The following PLEKHG3 variants were observed in gnomAD, a reference collection of about 807,000 sequenced individuals.
PLEKHG3 encodes the protein pleckstrin homology domain-containing family G member 3.
In PLEKHG3, 62 loss-of-function variants were observed where a neutral mutation model predicts 94.9. The observed-to-expected ratio is 0.65, with a 90% CI of 0.53 to 0.81. The LOEUF is 0.81. PLEKHG3 is among the 30% of genes least tolerant of loss of function. The pLI is 0.00. For synonymous variants in PLEKHG3, 614 were observed against 654.0 expected, an observed-to-expected ratio of 0.94 and a Z score of 0.93; for missense variants, 1,461 against 1,619.3, an observed-to-expected ratio of 0.90 and a Z score of 1.68.
chr14:64,741,406 G>T lies in PLEKHG3; in HGVS notation c.1889G>T (p.Gly630Val). 2 of 1,613,110 alleles carry T rather than the reference G, an allele frequency of 1.2e-6. No homozygotes were observed. Among genetic ancestry groups the T allele is most frequent in the Non-Finnish European group, 1.7e-6 (2 of 1,180,012 alleles). The change falls in exon 16 of 17, where the codon GGG (glycine) becomes GTG (valine). Residue 630 changes from glycine (G) to valine (V), a missense_variant. By Grantham distance (109) the Gly-to-Val change is moderately radical. Transcript: ENST00000247226. ...AQEDSKSSGFGSPRLVSRSSS... is the reference protein window; with the variant it reads ...AQEDSKSSGFVSPRLVSRSSS... The stretch of plus-strand genomic sequence containing the variant: ...GAGGACAGCAAGTCCAGTGGCTTTG[G>T]GAGCCCGCGGCTGGTCAGCCGGAGC...
At chr14:64,719,455 A>G (rs935211058) in intron 1 of PLEKHG3, among the ~76,000 whole-genome samples, 2 of 151,550 alleles carry the variant, frequency 1.3e-5, no homozygotes, top group African/African-American at 2.4e-5. Flanking sequence ...TACTGTGCCT[A>G]TTTTCCTCAT....
At chr14:64,736,126 A>G (rs975935142) in intron 12 of PLEKHG3, among the ~76,000 whole-genome samples, 2 of 152,236 alleles carry the variant, frequency 1.3e-5, no homozygotes, top group Non-Finnish European at 2.9e-5. Flanking sequence ...CAGCTGGGCA[A>G]GGATATGGAT....
rs2081155028 is a variant in PLEKHG3 at position 64,716,469 on chromosome 14, ACACACACACACAAC to A, written c.-39-11123_-39-11110del. 4.8e-5 allele frequency among the ~76,000 whole-genome samples: 6 copies of A among 125,014 alleles called. 1 individual carries two copies. The highest frequency in any genetic ancestry group is 2.1e-4 in the African/African-American group (6 of 27,946). 82.0% of individuals were successfully genotyped at this position (125,014 alleles called of 152,430 possible). On this transcript the variant is annotated intron_variant, in intron 1 of 16. Transcript: ENST00000247226. This position sits in a 1 kb window ranked among gnomAD's most constrained non-coding sequence, Gnocchi z 5.0. ...ACACACACACACACACACACACAAC[ACACACACACACAAC>A]ACACACACACACAACACACACACAC...
At position 64,727,787 on chromosome 14, in the gene PLEKHG3, C is replaced by T; in HGVS notation, c.156C>T (p.Ser52=). 3 of 1,610,216 alleles carry T rather than the reference C, an allele frequency of 1.9e-6. No individual in the cohort carries two copies. The highest frequency in any genetic ancestry group is 2.5e-6 in the Non-Finnish European group (3 of 1,177,238). ...SEAPAKNGAG[S]LRSRHLPNSN... ...CTCCCGCCAAGAATGGGGCAGGCTCCCTGAGAAGCCGGCATCTGCCCAACA... is the reference window on the plus strand; with the variant it reads ...CTCCCGCCAAGAATGGGGCAGGCTCTCTGAGAAGCCGGCATCTGCCCAACA... The change falls in exon 2 of 17, where the codon TCC becomes TCT. Residue 52 remains serine, a synonymous_variant. Coordinates refer to ENST00000247226, the MANE Select transcript of PLEKHG3 (RefSeq NM_001308147.2). The surrounding 1 kb of genome is among the most constrained non-coding windows in gnomAD (Gnocchi z 6.0).
intron 12 of PLEKHG3, among the ~76,000 whole-genome samples, chr14:64,733,608 A>C (rs2081515856): frequency 6.6e-6 from 1 of 152,206 alleles, no homozygotes; most frequent in Non-Finnish European, 1.5e-5. Context: ...GGATGGGCCC[A>C]GCCCAGTCCT....
chr14:64,708,668 G>A (rs2081013030), intron 1 of PLEKHG3, among the ~76,000 whole-genome samples: 1 of 152,186 alleles, frequency 6.6e-6, no homozygotes, highest in African/African-American at 2.4e-5. Context: ...GGAACCACGG[G>A]CCTACAAAGG....
chr14:64,749,830 G>A lies in PLEKHG3; in HGVS notation c.*6127G>A, dbSNP rs369368927. 10 of 1,479,178 alleles carry A rather than the reference G, an allele frequency of 6.8e-6. No homozygotes were observed. The Admixed American group carries it at 1.1e-4, about 17-fold the overall frequency. 91.6% of individuals were successfully genotyped at this position (1,479,178 alleles called of 1,614,324 possible). A position where few individuals can be genotyped will look rare whatever the true frequency, so the allele number is the denominator to read the frequency against. On this transcript the variant is annotated 3_prime_UTR_variant, in exon 17 of 17. Transcript: ENST00000247226. The surrounding 1 kb of genome is among the most constrained non-coding windows in gnomAD (Gnocchi z 4.7). ...CAGGCAGCCCAGCACTTTCTGAGAG[G>A]TCAAAGTCTGGACCATCAGCCTCTT...
In PLEKHG3 at chr14:64,749,492, CGGT is replaced by C. The variant is rs2081908588; in HGVS notation, c.*5792_*5794del. 1.3e-6 allele frequency: 2 copies of C among 1,598,336 alleles called. No individual in the cohort carries two copies. Among genetic ancestry groups the C allele is most frequent in the Admixed American group, 3.3e-5 (2 of 59,804 alleles). ...TCTCCTCCTGCGGGGCGGAGGGTCA[CGGT>C]GGAGTCTGGAGGCCCACAGCCCCCC... On this transcript the variant is annotated 3_prime_UTR_variant, in exon 17 of 17. Coordinates refer to ENST00000247226, the MANE Select transcript of PLEKHG3 (RefSeq NM_001308147.2). This position sits in a 1 kb window ranked among gnomAD's most constrained non-coding sequence, Gnocchi z 4.7.
At position 64,743,085 on chromosome 14, in the gene PLEKHG3, TTTC is replaced by T. The variant is rs1454234781; in HGVS notation, c.3049_3051del (p.Phe1017del). ...CGGCTGGGGAGATGTCACCACAGCG[TTTC>T]TTCTTCAACCCGTCTGCTGTCAGCC... On this transcript the variant is annotated inframe_deletion, in exon 17 of 17. Transcript: ENST00000247226. The surrounding 1 kb of genome is among the most constrained non-coding windows in gnomAD (Gnocchi z 7.2). The T allele has an allele frequency of 3.7e-6, 6 of 1,612,880 alleles. No homozygotes were observed. Among genetic ancestry groups the T allele is most frequent in the Non-Finnish European group, 5.1e-6 (6 of 1,179,984 alleles).
chr14:64,724,421 G>C lies in PLEKHG3; in HGVS notation c.-39-3172G>C, dbSNP rs573563143. On this transcript the variant is annotated intron_variant, in intron 1 of 16. Coordinates refer to ENST00000247226, the MANE Select transcript of PLEKHG3 (RefSeq NM_001308147.2). ...CCAAGAGAGAGAGAGCCTTGTGATC[G>C]TGGGTCTCCTGGTCACTACAGGGCT... Among the ~76,000 whole-genome samples, 45 of 152,194 alleles carry C rather than the reference G, an allele frequency of 3.0e-4. 2 individuals carry two copies. In the South Asian group the frequency reaches 8.1e-3, roughly 27 times the overall value.
chr14:64,731,512 GCGATCA>G lies in PLEKHG3; in HGVS notation c.1003_1008del (p.Asp335_His336del). The G allele has an allele frequency of 6.2e-7, 1 of 1,614,110 alleles. No individual in the cohort carries two copies. Among genetic ancestry groups the G allele is most frequent in the South Asian group, 1.1e-5 (1 of 91,076 alleles). ...ACACTGCTTATCACCAAGAAGCGGG[GCGATCA>G]CTTTGTCTACAAGGGCAACATCCCG... On this transcript the variant is annotated inframe_deletion, in exon 8 of 17. Coordinates refer to ENST00000247226, the MANE Select transcript of PLEKHG3 (RefSeq NM_001308147.2). The surrounding 1 kb of genome is among the most constrained non-coding windows in gnomAD (Gnocchi z 6.1).
In PLEKHG3 at chr14:64,727,788, CTGAGAAG is replaced by C; in HGVS notation, c.158_164del (p.Leu53ProfsTer15). 2 of 1,610,244 alleles carry C rather than the reference CTGAGAAG, an allele frequency of 1.2e-6. No individual in the cohort carries two copies. Among genetic ancestry groups the C allele is most frequent in the Non-Finnish European group, 1.7e-6 (2 of 1,177,250 alleles). Reference sequence around the variant, plus strand: ...TCCCGCCAAGAATGGGGCAGGCTCCCTGAGAAGCCGGCATCTGCCCAACAGCAACAAC... The same window carrying C: ...TCCCGCCAAGAATGGGGCAGGCTCCCCCGGCATCTGCCCAACAGCAACAAC... On this transcript the variant is annotated frameshift_variant, in exon 2 of 17. Transcript: ENST00000247226. LOFTEE classifies it high-confidence loss of function. The surrounding 1 kb of genome is among the most constrained non-coding windows in gnomAD (Gnocchi z 6.0).
intron 1 of PLEKHG3, among the ~76,000 whole-genome samples, chr14:64,709,385 C>A (rs2081030831): frequency 6.6e-6 from 1 of 152,186 alleles, no homozygotes. Flanking sequence ...TTATACAGTT[C>A]TGGCGGCTGG....
At chr14:64,714,566 G>C (rs181031725) in intron 1 of PLEKHG3, among the ~76,000 whole-genome samples, 146 of 152,318 alleles carry the variant, frequency 9.6e-4, no homozygotes, top group African/African-American at 3.3e-3. Context: ...ATGAGGATGT[G>C]TCTTATTCAC....
At position 64,721,423 on chromosome 14, in the gene PLEKHG3, G is replaced by A. The variant is rs763096003; in HGVS notation, c.-39-6170G>A. 6.6e-6 allele frequency among the ~76,000 whole-genome samples: 1 copy of A among 152,166 alleles called. No individual in the cohort carries two copies. The highest frequency in any genetic ancestry group is 1.5e-5 in the Non-Finnish European group (1 of 68,018). ...GCTTTCTCCTGGAGTCCATGTGGGA[G>A]GGCTCCCCTGGCAACACAATCCTTT... On this transcript the variant is annotated intron_variant, in intron 1 of 16. Transcript: ENST00000247226. This position sits in a 1 kb window ranked among gnomAD's most constrained non-coding sequence, Gnocchi z 4.3.
At position 64,728,042 on chromosome 14, in the gene PLEKHG3, G is replaced by A; in HGVS notation, c.351+60G>A. On this transcript the variant is annotated intron_variant, in intron 2 of 16. Transcript: ENST00000247226. This position sits in a 1 kb window ranked among gnomAD's most constrained non-coding sequence, Gnocchi z 5.9. ...GCAGAAGCCTGTTTCACCCTGGGAG[G>A]GAAGCTCTCAAAAGACCTGCTTCCC... is the stretch of plus-strand genomic sequence containing the variant. The A allele has an allele frequency of 9.0e-7, 1 of 1,114,900 alleles. No homozygotes were observed. Among genetic ancestry groups the A allele is most frequent in the South Asian group, 1.6e-5 (1 of 61,672 alleles). 69.1% of individuals were successfully genotyped at this position (1,114,900 alleles called of 1,614,324 possible).
chr14:64,713,278 G>T (rs12892852), intron 1 of PLEKHG3, among the ~76,000 whole-genome samples: 3 of 152,076 alleles, frequency 2.0e-5, no homozygotes, highest in Non-Finnish European at 4.4e-5. Context: ...TATCTTGTCT[G>T]GTCCTGATGG....
chr14:64,738,524 G>A lies in PLEKHG3; in HGVS notation c.1405-218G>A, dbSNP rs1304719578. Among the ~76,000 whole-genome samples the A allele has an allele frequency of 6.6e-6, 1 of 152,230 alleles. No homozygotes were observed. The highest frequency in any genetic ancestry group is 1.5e-5 in the Non-Finnish European group (1 of 68,040). On this transcript the variant is annotated intron_variant, in intron 14 of 16. Coordinates refer to ENST00000247226, the MANE Select transcript of PLEKHG3 (RefSeq NM_001308147.2). This position sits in a 1 kb window ranked among gnomAD's most constrained non-coding sequence, Gnocchi z 4.8. ...AGGTCAAGTCCACTTTGGAGGGACA[G>A]AAAGGTGGGCTGAGGTTTTTTGAAG...
rs1186487738 is a variant in PLEKHG3, at chr14:64,720,236, A to C, written c.-39-7357A>C. Among the ~76,000 whole-genome samples, 2 of 152,150 alleles carry C rather than the reference A, an allele frequency of 1.3e-5. No individual in the cohort carries two copies. Among genetic ancestry groups the C allele is most frequent in the Non-Finnish European group, 2.9e-5 (2 of 68,014 alleles). On this transcript the variant is annotated intron_variant, in intron 1 of 16. Transcript: ENST00000247226. The surrounding 1 kb of genome is among the most constrained non-coding windows in gnomAD (Gnocchi z 4.1). ...CCCAGTCTCTTGTGGCTGGTCACCT[A>C]GTATGTAGCCCAGCGGGGCAGCTAT...
Sources: allele counts gnomAD v4.1 joint callset (sites outside exome capture counted in the v4.1 genomes callset), GRCh38; gene constraint gnomAD v4.1.1; non-coding constraint Gnocchi (gnomAD v3.1); transcripts MANE v1.5; gene names NCBI Gene and HGNC (gene_info 2026-07-23, HGNC 2026-07-21).